Variants in ZNF385D observed in about 807,000 individuals in gnomAD.
The protein encoded by ZNF385D is zinc finger protein 659.
A neutral mutation model predicts 35.8 loss-of-function variants in ZNF385D; 15 were observed. The observed-to-expected ratio is 0.42, with a 90% CI of 0.28 to 0.64. ZNF385D has a LOEUF of 0.64. Ranked by LOEUF, ZNF385D falls within the 30% of genes least tolerant of loss-of-function variation. ZNF385D has a pLI of 0.23. For synonymous variants in ZNF385D, 212 were observed against 186.8 expected (o/e 1.13, Z -1.10); for missense variants, 474 against 494.6 (o/e 0.96, Z 0.39).
intron 5 of ZNF385D, among the ~76,000 whole-genome samples, chr3:21,434,118 A>G (rs868397591): frequency 2.6e-5 from 4 of 152,220 alleles, no homozygotes; most frequent in African/African-American, 9.6e-5. Context: ...TTCATGACCA[A>G]TAGAAGTTTT....
intron 3 of ZNF385D, among the ~76,000 whole-genome samples, chr3:22,038,006 G>A (rs1045444774): frequency 6.6e-6 from 1 of 152,040 alleles, no homozygotes; most frequent in Non-Finnish European, 1.5e-5. Flanking sequence ...AAATGGTGCT[G>A]GGAAAACTGG....
intron 2 of ZNF385D, among the ~76,000 whole-genome samples, chr3:22,359,853 A>G (rs1161898148): frequency 1.3e-5 from 2 of 151,918 alleles, no homozygotes; most frequent in South Asian, 2.1e-4. Context: ...TTTCTTGGCC[A>G]TATGACTATT....
chr3:22,335,500 G>A (rs116362785), intron 2 of ZNF385D, among the ~76,000 whole-genome samples: 1,526 of 152,032 alleles, frequency 0.01, 35 homozygotes, highest in African/African-American at 0.034. Context: ...TTCTTTAAAC[G>A]CTCCTTCAGA....
intron 3 of ZNF385D, among the ~76,000 whole-genome samples, chr3:21,808,151 G>C (rs1345035995): frequency 6.6e-6 from 1 of 152,104 alleles, no homozygotes; most frequent in Non-Finnish European, 1.5e-5. Context: ...CACAGGATAA[G>C]AAAATCCTTT....
chr3:21,448,523 AT>A (rs1293430202), intron 4 of ZNF385D, among the ~76,000 whole-genome samples: 4 of 152,176 alleles, frequency 2.6e-5, no homozygotes, highest in African/African-American at 9.6e-5. Flanking sequence ...GCCAAAGATA[AT>A]TTTTTAAGAG....
Position 21,418,101 on chromosome 3 carries a change from G to A in ZNF385D, c.*3113C>T, listed in dbSNP as rs1700592259. The A allele has an allele frequency of 6.6e-6, 1 of 152,086 alleles. No individual in the cohort carries two copies. Among genetic ancestry groups the A allele is most frequent in the Non-Finnish European group, 1.5e-5 (1 of 67,992 alleles). The allele number at this position is 152,086 out of a possible 1,614,324, so 9.4% of individuals were successfully genotyped here. On this transcript the variant is annotated 3_prime_UTR_variant, in exon 8 of 8. Coordinates refer to ENST00000281523, the MANE Select transcript of ZNF385D (RefSeq NM_024697.3). ...TTTGTCTGGACGATCTGATTGAGGT[G>A]CAACAATGCTTTTTCCAGAGGCATT...
chr3:21,751,106 C>T lies in ZNF385D; in HGVS notation c.-190G>A. The T allele has an allele frequency of 1.4e-6, 2 of 1,480,262 alleles. No individual in the cohort carries two copies. Among genetic ancestry groups the T allele is most frequent in the South Asian group, 1.4e-5 (1 of 71,418 alleles). 91.7% of individuals were successfully genotyped at this position (1,480,262 alleles called of 1,614,324 possible). On this transcript the variant is annotated 5_prime_UTR_variant, in exon 1 of 8. Transcript: ENST00000281523. Reference sequence around the variant, plus strand: ...AGGCTGCCTTTCCAGGGCTAAGATCCCCGGCGGCTGGAGAGTGCGCTCGGG... The same window carrying T: ...AGGCTGCCTTTCCAGGGCTAAGATCTCCGGCGGCTGGAGAGTGCGCTCGGG...
intron 1 of ZNF385D, among the ~76,000 whole-genome samples, chr3:21,721,738 G>A (rs1207614057): frequency 6.6e-6 from 1 of 152,086 alleles, no homozygotes; most frequent in Admixed American, 6.5e-5. Context: ...TATTTTATAA[G>A]GATCATCATG....
At chr3:21,659,783 A>T (rs1329843544) in intron 2 of ZNF385D, among the ~76,000 whole-genome samples, 4 of 152,108 alleles carry the variant, frequency 2.6e-5, no homozygotes, top group African/African-American at 9.7e-5. Flanking sequence ...ATAAATTTTT[A>T]AAAACCCCAC....
chr3:22,091,115 G>A (rs568972462), intron 3 of ZNF385D, among the ~76,000 whole-genome samples: 1 of 152,050 alleles, frequency 6.6e-6, no homozygotes, highest in Non-Finnish European at 1.5e-5. Context: ...CTTGATATAG[G>A]AAACTAACTA....
intron 3 of ZNF385D, 139 bp downstream of exon 3, chr3:21,564,435 T>TAGTG (rs1290396873): frequency 2.1e-6 from 1 of 470,518 alleles, no homozygotes; most frequent in African/African-American, 2.0e-5. Context: ...TTAAAGCACA[T>TAGTG]AGTGAGTTAA....
intron 2 of ZNF385D, among the ~76,000 whole-genome samples, chr3:21,594,502 A>AT (rs2064073734): frequency 6.6e-6 from 1 of 152,142 alleles, no homozygotes; most frequent in Non-Finnish European, 1.5e-5. Context: ...CTTCAGCCTG[A>AT]TCCCACAAGG....
At chr3:21,584,443 A>C (rs892301597) in intron 2 of ZNF385D, among the ~76,000 whole-genome samples, 1 of 152,200 alleles carries the variant, frequency 6.6e-6, no homozygotes, top group Non-Finnish European at 1.5e-5. Flanking sequence ...CTGGCTGGAT[A>C]ATGTGACAGA....
chr3:22,158,895 A>G (rs916021446), intron 3 of ZNF385D, among the ~76,000 whole-genome samples: 1 of 152,080 alleles, frequency 6.6e-6, no homozygotes, highest in African/African-American at 2.4e-5. Context: ...TATTACTACT[A>G]GCTCCATTAC....
intron 4 of ZNF385D, among the ~76,000 whole-genome samples, chr3:21,499,159 C>T (rs1706168025): frequency 6.6e-6 from 1 of 151,924 alleles, no homozygotes; most frequent in Non-Finnish European, 1.5e-5. Flanking sequence ...AATCATTCTA[C>T]CATAAAGACA....
intron 2 of ZNF385D, among the ~76,000 whole-genome samples, chr3:22,321,362 TA>T (rs1032687442): frequency 2.0e-5 from 3 of 151,840 alleles, no homozygotes; most frequent in African/African-American, 7.3e-5. Flanking sequence ...GTACTTTTTT[TA>T]AAAAAAATTA....
At chr3:21,729,987 C>T (rs554764489) in intron 1 of ZNF385D, among the ~76,000 whole-genome samples, 2 of 152,322 alleles carry the variant, frequency 1.3e-5, no homozygotes, top group African/African-American at 4.8e-5. Flanking sequence ...TTAATTACTA[C>T]AACACTCCCT....
intron 3 of ZNF385D, among the ~76,000 whole-genome samples, chr3:21,972,473 T>C (rs1279627273): frequency 6.6e-6 from 1 of 151,746 alleles, no homozygotes; most frequent in East Asian, 1.9e-4. Context: ...AGTGCCTATA[T>C]AAAAAAAGTG....
chr3:22,206,671 G>T (rs1028807063), intron 2 of ZNF385D, among the ~76,000 whole-genome samples: 1 of 151,836 alleles, frequency 6.6e-6, no homozygotes, highest in African/African-American at 2.4e-5. Context: ...TATGCTCTGA[G>T]TGACAACGGA....
Sources: allele counts gnomAD v4.1 joint callset (sites outside exome capture counted in the v4.1 genomes callset), GRCh38; gene constraint gnomAD v4.1.1; transcripts MANE v1.5; gene names NCBI Gene and HGNC (gene_info 2026-07-23, HGNC 2026-07-21).